Variants in DAB1 observed in about 807,000 individuals in gnomAD.
The protein encoded by DAB1 is DAB adaptor protein 1, also known as disabled homolog 1.
Under a neutral mutation model 64.6 loss-of-function variants are expected in DAB1, and 15 were observed. That is an observed-to-expected ratio of 0.23 (90% confidence interval 0.16 to 0.36). The LOEUF is 0.36. Ranked by LOEUF, DAB1 falls within the 10% of genes least tolerant of loss-of-function variation. DAB1 has a pLI of 1.00. For synonymous variants in DAB1, 235 were observed against 251.9 expected (o/e 0.93, Z 0.64); for missense variants, 596 against 706.7 (o/e 0.84, Z 1.78).
chr1:57,219,037 A>G (rs887556787), intron 2 of DAB1, among the ~76,000 whole-genome samples: 2 of 152,278 alleles, frequency 1.3e-5, no homozygotes, highest in Admixed American at 1.3e-4. Context: ...CACACTAAAC[A>G]TTCCTTTTTC....
chr1:57,931,465 G>C (rs1001331613), intron 5 of DAB1, among the ~76,000 whole-genome samples: 1 of 152,210 alleles, frequency 6.6e-6, no homozygotes, highest in African/African-American at 2.4e-5. Flanking sequence ...GAATTCACCA[G>C]TGAATCCATC....
chr1:58,355,663 C>T (rs1329722720), intron 3 of DAB1, among the ~76,000 whole-genome samples: 1 of 152,122 alleles, frequency 6.6e-6, no homozygotes, highest in Admixed American at 6.6e-5. Flanking sequence ...GGCATCTGCC[C>T]CCTGGAGACC....
At chr1:57,488,401 C>CA (rs11455708) in intron 7 of DAB1, among the ~76,000 whole-genome samples, 3,851 of 73,754 alleles carry the variant, frequency 0.052, 195 homozygotes, top group African/African-American at 0.14. Flanking sequence ...GATTCCGTCT[C>CA]AAAAAAAAAA....
chr1:58,008,902 T>G (rs1046984556), intron 5 of DAB1, among the ~76,000 whole-genome samples: 5 of 152,196 alleles, frequency 3.3e-5, no homozygotes, highest in Admixed American at 3.3e-4. Flanking sequence ...ATTACAGCCA[T>G]GTTCTGGTGC....
intron 1 of DAB1, among the ~76,000 whole-genome samples, chr1:57,334,191 G>C (rs1381752799): frequency 1.3e-5 from 2 of 152,212 alleles, no homozygotes; most frequent in Non-Finnish European, 2.9e-5. Flanking sequence ...GCAGGAAAAG[G>C]CCTGTAATGC....
At chr1:57,447,619 C>T (rs185481778) in intron 7 of DAB1, among the ~76,000 whole-genome samples, 1 of 152,330 alleles carries the variant, frequency 6.6e-6, no homozygotes, top group African/African-American at 2.4e-5. Context: ...TGGTTACACA[C>T]TGCAAAACCC....
intron 7 of DAB1, among the ~76,000 whole-genome samples, chr1:57,468,195 CTCAGTGAGTGAG>C (rs1351688043): frequency 2.0e-5 from 3 of 152,138 alleles, no homozygotes; most frequent in Admixed American, 1.3e-4. Context: ...ATAGGAAGAG[CTCAGTGAGTGAG>C]TCAAGGAATA....
intron 3 of DAB1, among the ~76,000 whole-genome samples, chr1:58,395,102 T>C (rs1644508324): frequency 6.6e-6 from 1 of 152,102 alleles, no homozygotes; most frequent in Non-Finnish European, 1.5e-5. Flanking sequence ...GGCTGGTTCA[T>C]CTAAAGTGAG....
chr1:58,516,352 G>A (rs1271108005), intron 2 of DAB1, among the ~76,000 whole-genome samples: 2 of 152,178 alleles, frequency 1.3e-5, no homozygotes, highest in African/African-American at 4.8e-5. Context: ...TATAATGACT[G>A]CAAAGTGTCA....
At chr1:57,463,040 A>T (rs1686838953) in intron 7 of DAB1, among the ~76,000 whole-genome samples, 1 of 152,236 alleles carries the variant, frequency 6.6e-6, no homozygotes, top group African/African-American at 2.4e-5. Context: ...TATAATATAT[A>T]AAATGAATGT....
chr1:58,033,987 A>G (rs1316006438), intron 5 of DAB1, among the ~76,000 whole-genome samples: 1 of 152,216 alleles, frequency 6.6e-6, no homozygotes, highest in Non-Finnish European at 1.5e-5. Flanking sequence ...AACGGCCACC[A>G]GTGATCTTGC....
chr1:57,565,495 CAAG>C (rs989130580), intron 7 of DAB1, among the ~76,000 whole-genome samples: 7 of 152,126 alleles, frequency 4.6e-5, no homozygotes, highest in African/African-American at 1.7e-4. Flanking sequence ...GATAAAGAGT[CAAG>C]ACCCATCAGT....
chr1:58,443,690 T>C (rs1645036743), intron 3 of DAB1, among the ~76,000 whole-genome samples: 2 of 152,200 alleles, frequency 1.3e-5, no homozygotes, highest in Admixed American at 1.3e-4. Context: ...AATCTAGATA[T>C]TCTTAAAATT....
intron 3 of DAB1, among the ~76,000 whole-genome samples, chr1:58,403,736 A>G (rs529962080): frequency 1.2e-3 from 177 of 152,298 alleles, no homozygotes; most frequent in African/African-American, 4.0e-3. Context: ...TTGGCTCTTG[A>G]CAGCTTCCCG....
At chr1:57,027,550 A>AC (rs1461989929) in intron 9 of DAB1, among the ~76,000 whole-genome samples, 1 of 151,902 alleles carries the variant, frequency 6.6e-6, no homozygotes, top group Non-Finnish European at 1.5e-5. Context: ...GATAGTAGCT[A>AC]CCCCCCAACA....
intron 1 of DAB1, among the ~76,000 whole-genome samples, chr1:57,394,932 T>C (rs1434424821): frequency 6.6e-6 from 1 of 152,238 alleles, no homozygotes; most frequent in Non-Finnish European, 1.5e-5. Context: ...GCAACCCACT[T>C]TCTATACCCT....
In DAB1 at chr1:57,931,284, C is replaced by T. The variant is rs139029928; in HGVS notation, n.388-47122G>A. On this transcript the variant is annotated intron_variant and non_coding_transcript_variant, in intron 5 of 20. Transcript: ENST00000485760. ...TTTGTTGAGGATTTTTACATCTCAT[C>T]ATGCTCATGAGTGATATTGGTCTAT... 3.7e-3 allele frequency among the ~76,000 whole-genome samples: 570 copies of T among 152,228 alleles called. 3 individuals are homozygous for T. The highest frequency in any genetic ancestry group is 6.7e-3 in the Non-Finnish European group (453 of 68,006).
chr1:58,411,564 C>T (rs560875194), intron 3 of DAB1, among the ~76,000 whole-genome samples: 1 of 152,052 alleles, frequency 6.6e-6, no homozygotes, highest in Non-Finnish European at 1.5e-5. Context: ...GACATTATAG[C>T]CAAAGAGGAG....
chr1:58,212,144 T>A (rs1658582892), intron 4 of DAB1, among the ~76,000 whole-genome samples: 2 of 152,200 alleles, frequency 1.3e-5, no homozygotes, highest in Non-Finnish European at 2.9e-5. Flanking sequence ...GAGTGTATTC[T>A]CCCTGGGCCA....
Sources: gnomAD v4.1 joint callset for allele counts (sites outside exome capture counted in the v4.1 genomes callset) on GRCh38, gnomAD v4.1.1 for gene constraint, MANE v1.5 for transcripts, NCBI Gene and HGNC (gene_info 2026-07-23, HGNC 2026-07-21) for gene names.